The following UEVLD variants were observed in gnomAD, a reference collection of about 807,000 sequenced individuals.
The protein encoded by UEVLD is ubiquitin-conjugating enzyme E2 variant 3.
UEVLD carries 47 observed loss-of-function variants against 58.6 expected under a neutral mutation model. The ratio of observed to expected loss-of-function variants is 0.80; its 90% CI spans 0.63 to 1.02. UEVLD has a LOEUF of 1.02. UEVLD is among the 50% of genes least tolerant of loss of function. The pLI is 0.00. For synonymous variants in UEVLD, 197 were observed against 195.3 expected (o/e 1.01, Z -0.07); for missense variants, 510 against 550.6 (o/e 0.93, Z 0.74).
intron 7 of UEVLD, among the ~76,000 whole-genome samples, chr11:18,547,658 T>C (rs566751689): frequency 2.0e-5 from 3 of 152,148 alleles, no homozygotes; most frequent in African/African-American, 4.8e-5. Flanking sequence ...AAAATAAATA[T>C]TATGCTATAG....
intron 6 of UEVLD, among the ~76,000 whole-genome samples, chr11:18,561,254 TA>T (rs1261699369): frequency 7.9e-5 from 12 of 152,168 alleles, no homozygotes; most frequent in Non-Finnish European, 1.6e-4. Context: ...TCTTCATTTG[TA>T]AAATGTCAGT....
At chr11:18,565,052 A>G (rs775625916) in intron 5 of UEVLD, 42 bp from the exon 6 acceptor site, 1 of 1,465,782 alleles carries the variant, frequency 6.8e-7, no homozygotes, top group South Asian at 1.2e-5. Flanking sequence ...CAAAAATATC[A>G]AGAATTTTTT....
At chr11:18,578,018 C>T (rs1348379637) in intron 2 of UEVLD, among the ~76,000 whole-genome samples, 3 of 152,044 alleles carry the variant, frequency 2.0e-5, no homozygotes, top group Non-Finnish European at 4.4e-5. Context: ...GAATAAAGGT[C>T]CTTTAAAGAT....
chr11:18,552,657 T>A (rs915006837), intron 7 of UEVLD, among the ~76,000 whole-genome samples: 3 of 143,694 alleles, frequency 2.1e-5, no homozygotes, highest in African/African-American at 5.3e-5. Flanking sequence ...AGGTTGGGAG[T>A]TCAAGACCAG....
intron 3 of UEVLD, among the ~76,000 whole-genome samples, chr11:18,573,617 T>G (rs1278622381): frequency 1.3e-5 from 2 of 152,204 alleles, no homozygotes; most frequent in African/African-American, 4.8e-5. Context: ...TGCATTCATC[T>G]CCATCCATTC....
At chr11:18,561,721 A>C (rs903992527) in intron 6 of UEVLD, among the ~76,000 whole-genome samples, 1 of 151,932 alleles carries the variant, frequency 6.6e-6, no homozygotes, top group Non-Finnish European at 1.5e-5. Flanking sequence ...GGGTGCCTGT[A>C]ATCTTAGGCT....
intron 9 of UEVLD, among the ~76,000 whole-genome samples, chr11:18,538,363 G>A (rs1003364028): frequency 6.7e-6 from 1 of 149,324 alleles, no homozygotes; most frequent in Non-Finnish European, 1.5e-5. Context: ...TGCAACCTCC[G>A]TCTCCCAGGT....
chr11:18,560,138 C>CACACACACACACACACACACACAG (rs368897951), intron 6 of UEVLD, among the ~76,000 whole-genome samples: 1,617 of 74,092 alleles, frequency 0.022, 149 homozygotes, highest in Non-Finnish European at 0.026. Flanking sequence ...CACACACACA[C>CACACACACACACACACACACACAG]AGAGAGAGAA....
At position 18,575,485 on chromosome 11, in the gene UEVLD, T is replaced by TA. The variant is rs959180380; in HGVS notation, c.128-74_128-73insT. 8 of 1,410,250 alleles carry TA rather than the reference T, an allele frequency of 5.7e-6. No homozygotes were observed. In the African/African-American group the frequency reaches 7.3e-5, roughly 13 times the overall value. 87.4% of individuals were successfully genotyped at this position (1,410,250 alleles called of 1,614,324 possible). On this transcript the variant is annotated intron_variant, in intron 2 of 11. Coordinates refer to ENST00000396197, the MANE Select transcript of UEVLD (RefSeq NM_001040697.4). ...AGAACTGTAGTAAAGTATGTAAGTG[T>TA]GCACATGTGTGTGCTCATGAATATA...
intron 6 of UEVLD, among the ~76,000 whole-genome samples, chr11:18,560,081 CCCCGTCTCT>C (rs1157027712): frequency 5.7e-5 from 3 of 52,456 alleles, no homozygotes; most frequent in Non-Finnish European, 1.5e-4. Flanking sequence ...CATGGCAAAA[CCCCGTCTCT>C]ACACACACAC....
chr11:18,555,244 G>A (rs111440223), intron 7 of UEVLD, among the ~76,000 whole-genome samples: 8,620 of 152,086 alleles, frequency 0.057, 567 homozygotes, highest in African/African-American at 0.16. Context: ...AGCTAACATG[G>A]TGAAACCCCA....
At chr11:18,581,785 G>A (rs7950602) in intron 1 of UEVLD, among the ~76,000 whole-genome samples, 27,117 of 152,028 alleles carry the variant, frequency 0.18, 2,842 homozygotes, top group East Asian at 0.41. Flanking sequence ...AGCAGGAATC[G>A]TCTTTCCCTC....
intron 7 of UEVLD, among the ~76,000 whole-genome samples, chr11:18,557,418 C>T (rs907010736): frequency 2.6e-5 from 4 of 152,102 alleles, no homozygotes; most frequent in African/African-American, 9.7e-5. Context: ...TCCCAAAGTG[C>T]TGGGATTACA....
chr11:18,570,048 G>A (rs1163281810), intron 4 of UEVLD, 166 bp downstream of exon 4: 20 of 688,540 alleles, frequency 2.9e-5, no homozygotes, highest in Non-Finnish European at 4.3e-5. Context: ...AGGGTTCTGG[G>A]ACTTGGGTAA....
At chr11:18,550,954 A>G (rs763640913) in intron 7 of UEVLD, among the ~76,000 whole-genome samples, 4 of 152,192 alleles carry the variant, frequency 2.6e-5, no homozygotes, top group Admixed American at 6.6e-5. Context: ...ATGCACAGCC[A>G]GGTTTGGTTA....
At chr11:18,541,371 G>A (rs1165098665) in intron 9 of UEVLD, among the ~76,000 whole-genome samples, 1 of 152,190 alleles carries the variant, frequency 6.6e-6, no homozygotes, top group African/African-American at 2.4e-5. Context: ...TTTCACATGT[G>A]TGCTTGTCTA....
intron 7 of UEVLD, among the ~76,000 whole-genome samples, chr11:18,553,859 C>T (rs4756949): frequency 0.39 from 59,041 of 151,920 alleles, 11,963 homozygotes; most frequent in East Asian, 0.66. Flanking sequence ...TGGGGAGTAA[C>T]TGCTCAATGT....
intron 1 of UEVLD, chr11:18,579,444 T>C (rs962303455): frequency 6.1e-6 from 6 of 985,306 alleles, no homozygotes; most frequent in East Asian, 1.1e-4. Context: ...ACAGCTTAAA[T>C]GATGAGGCAG....
chr11:18,556,022 C>T (rs118152158), intron 7 of UEVLD, among the ~76,000 whole-genome samples: 1,524 of 152,296 alleles, frequency 0.01, 20 homozygotes, highest in Non-Finnish European at 0.015. Flanking sequence ...GATATACACT[C>T]ATTCAACATT....
Sources: gnomAD v4.1 joint callset for allele counts (sites outside exome capture counted in the v4.1 genomes callset) on GRCh38, gnomAD v4.1.1 for gene constraint, MANE v1.5 for transcripts, NCBI Gene and HGNC (gene_info 2026-07-23, HGNC 2026-07-21) for gene names.